The following HIVEP3 variants were observed in gnomAD, a reference collection of about 807,000 sequenced individuals.
HIVEP3 encodes the protein HIVEP zinc finger 3, also known as transcription factor HIVEP3.
Under a neutral mutation model 152.8 loss-of-function variants are expected in HIVEP3, and 49 were observed. That is an observed-to-expected ratio of 0.32 (90% CI 0.26 to 0.41). HIVEP3 has a LOEUF of 0.41. Ranked by LOEUF, HIVEP3 falls within the 10% of genes least tolerant of loss-of-function variation. The probability of loss-of-function intolerance (pLI) is 1.00; values close to 1 mark genes in which losing one functional copy is unlikely to be tolerated. For missense variants in HIVEP3, 2,790 were observed against 3,103.3 expected (o/e 0.90, Z 2.40); for synonymous variants, 1,269 against 1,289.0 (o/e 0.98, Z 0.33).
chr1:41,543,484 A>G (rs1487908504), intron 5 of HIVEP3: 2 of 152,218 alleles, frequency 1.3e-5, no homozygotes, highest in Non-Finnish European at 2.9e-5. Context: ...GTTAGCAGAG[A>G]ACACTTTGTC....
At chr1:41,927,311 C>T (rs1187676043) in intron 1 of HIVEP3, among the ~76,000 whole-genome samples, 1 of 152,148 alleles carries the variant, frequency 6.6e-6, no homozygotes, top group Non-Finnish European at 1.5e-5. Context: ...AGTTTGTGTA[C>T]TCTGGCTAAA....
At chr1:41,524,598 C>T in intron 6 of HIVEP3, 137 bp downstream of exon 6, 1 of 796,442 alleles carries the variant, frequency 1.3e-6, no homozygotes, top group Non-Finnish European at 2.1e-6. Flanking sequence ...GGGCACCAAG[C>T]TGGGTGGGAA....
rs1286931570 is a variant in HIVEP3, at chr1:41,918,247, C to T, written c.-801+166G>A. 6.6e-6 allele frequency among the ~76,000 whole-genome samples: 1 copy of T among 152,242 alleles called. No homozygotes were observed. The highest frequency in any genetic ancestry group is 1.9e-4 in the East Asian group (1 of 5,198). The stretch of plus-strand genomic sequence containing the variant: ...CGCCACGCGCAGCCCACCCGGCCGG[C>T]CCCTGCGTCTCGGCAGCCGGACACC... On this transcript the variant is annotated intron_variant, in intron 1 of 8. Transcript: ENST00000372583. This position sits in a 1 kb window ranked among gnomAD's most constrained non-coding sequence, Gnocchi z 4.3.
In HIVEP3 at chr1:41,513,030, G is replaced by C. The variant is rs753934571; in HGVS notation, c.6191C>G (p.Pro2064Arg). 1.9e-6 allele frequency: 3 copies of C among 1,613,666 alleles called. No individual in the cohort carries two copies. Among genetic ancestry groups the C allele is most frequent in the Non-Finnish European group, 2.5e-6 (3 of 1,179,804 alleles). Residue 2064 changes from proline (P) to arginine (R), a missense_variant, in exon 8 of 9, where the codon CCC becomes CGC. Physicochemically the swap from Pro to Arg is moderately radical, Grantham distance 103 (BLOSUM62 -2). Coordinates refer to ENST00000372583, the MANE Select transcript of HIVEP3 (RefSeq NM_024503.5). ...KLEGTTDPGL[P>R]RYSPTRRWSP... ...CCATCTCCTGGTGGGCGAGTATCTGGGGAGGCCTGGGTCGGTGGTACCCTC... is the reference window on the plus strand; with the variant it reads ...CCATCTCCTGGTGGGCGAGTATCTGCGGAGGCCTGGGTCGGTGGTACCCTC...
At chr1:41,644,623 ATG>A (rs2149158793) in intron 2 of HIVEP3, among the ~76,000 whole-genome samples, 1 of 151,182 alleles carries the variant, frequency 6.6e-6, no homozygotes, top group East Asian at 2.0e-4. Flanking sequence ...TACTGAAGGA[ATG>A]TCTCCATTTG....
At chr1:42,000,289 C>T (rs1188660503) in intron 1 of HIVEP3, among the ~76,000 whole-genome samples, 1 of 152,200 alleles carries the variant, frequency 6.6e-6, no homozygotes, top group Non-Finnish European at 1.5e-5. Flanking sequence ...AATAGTCTTC[C>T]CTCAGTAGAT....
chr1:41,644,195 A>G (rs1489249570), intron 2 of HIVEP3, among the ~76,000 whole-genome samples: 1 of 151,740 alleles, frequency 6.6e-6, no homozygotes, highest in Non-Finnish European at 1.5e-5. Flanking sequence ...AAACCTTCCT[A>G]TCCTCTTATT....
At chr1:41,799,505 A>G (rs1328804016) in intron 1 of HIVEP3, among the ~76,000 whole-genome samples, 2 of 152,086 alleles carry the variant, frequency 1.3e-5, no homozygotes, top group Non-Finnish European at 2.9e-5. Context: ...ACCAGCCCCA[A>G]TGTTCCTGCA....
intron 1 of HIVEP3, among the ~76,000 whole-genome samples, chr1:41,894,983 C>T (rs1644504739): frequency 6.6e-6 from 1 of 151,998 alleles, no homozygotes; most frequent in Admixed American, 6.6e-5. Context: ...AAGTCAGGAC[C>T]CTCCCCCACA....
intron 2 of HIVEP3, among the ~76,000 whole-genome samples, chr1:41,672,030 T>C (rs951253552): frequency 5.9e-5 from 9 of 151,948 alleles, no homozygotes; most frequent in Non-Finnish European, 1.0e-4. Flanking sequence ...GGCTAAGCAG[T>C]TGGGGTTGTA....
At chr1:41,888,202 A>ATTTT (rs61561436) in intron 1 of HIVEP3, among the ~76,000 whole-genome samples, 2 of 99,202 alleles carry the variant, frequency 2.0e-5, no homozygotes, top group Non-Finnish European at 3.9e-5. Context: ...CGCCCGGCTA[A>ATTTT]TTTTTTTTTT....
intron 1 of HIVEP3, among the ~76,000 whole-genome samples, chr1:41,840,834 C>A (rs539044880): frequency 1.5e-4 from 23 of 152,298 alleles, no homozygotes; most frequent in Admixed American, 1.2e-3. Context: ...TAGGAAGGAG[C>A]CAGGAGACTC....
At chr1:41,864,362 G>A (rs1490047693) in intron 1 of HIVEP3, among the ~76,000 whole-genome samples, 7 of 152,214 alleles carry the variant, frequency 4.6e-5, no homozygotes, top group Non-Finnish European at 8.8e-5. Context: ...ATAAGAAAAT[G>A]AAGATGCAGA....
chr1:41,585,399 G>A (rs1486223019), intron 3 of HIVEP3, 81 bp from the exon 4 acceptor site: 6 of 398,456 alleles, frequency 1.5e-5, no homozygotes, highest in Non-Finnish European at 2.7e-5. Flanking sequence ...TGCACAGCCT[G>A]GGCAGCCCAG....
In HIVEP3 at chr1:41,861,935, A is replaced by G. The variant is rs1289462134; in HGVS notation, c.-801+56478T>C. Among the ~76,000 whole-genome samples the G allele has an allele frequency of 3.3e-5, 5 of 152,216 alleles. No individual in the cohort carries two copies. The East Asian group carries it at 9.6e-4, about 29-fold the overall frequency. On this transcript the variant is annotated intron_variant, in intron 1 of 8. Coordinates refer to ENST00000372583, the MANE Select transcript of HIVEP3 (RefSeq NM_024503.5). ...GGTGTTGGCAACGGGAGAGAAAGAA[A>G]TAGATCTGGAAGATACCACAAAGCA...
intron 1 of HIVEP3, among the ~76,000 whole-genome samples, chr1:41,706,454 G>T (rs1367716211): frequency 6.6e-6 from 1 of 152,130 alleles, no homozygotes; most frequent in Non-Finnish European, 1.5e-5. Context: ...GCTAATTTTT[G>T]TATTTTTAGT....
At chr1:41,773,828 T>G (rs747948114) in intron 1 of HIVEP3, among the ~76,000 whole-genome samples, 2 of 152,194 alleles carry the variant, frequency 1.3e-5, no homozygotes, top group Non-Finnish European at 2.9e-5. Context: ...TTTTAGTCAG[T>G]TAAATAGAAA....
At chr1:41,619,530 G>T (rs1645016558) in intron 3 of HIVEP3, among the ~76,000 whole-genome samples, 1 of 152,158 alleles carries the variant, frequency 6.6e-6, no homozygotes, top group Admixed American at 6.5e-5. Flanking sequence ...TTTGTGCTTT[G>T]TCACCCAGAA....
At chr1:41,745,473 T>C (rs578143691) in intron 1 of HIVEP3, among the ~76,000 whole-genome samples, 1 of 152,320 alleles carries the variant, frequency 6.6e-6, no homozygotes, top group East Asian at 1.9e-4. Context: ...ATTCAATTAT[T>C]CACCTGAAAG....
Sources: allele counts gnomAD v4.1 joint callset (sites outside exome capture counted in the v4.1 genomes callset), GRCh38; gene constraint gnomAD v4.1.1; non-coding constraint Gnocchi (gnomAD v3.1); transcripts MANE v1.5; gene names NCBI Gene and HGNC (gene_info 2026-07-23, HGNC 2026-07-21).